Variants in CENPP observed in about 807,000 individuals in gnomAD.
CENPP encodes the protein centromere protein P.
A neutral mutation model predicts 35.6 loss-of-function variants in CENPP; 24 were observed. The ratio of observed to expected loss-of-function variants is 0.67; its 90% CI spans 0.49 to 0.95. The LOEUF (loss-of-function observed/expected upper bound fraction) is 0.95. Ranked by LOEUF, CENPP falls within the 40% of genes least tolerant of loss-of-function variation. The pLI is 0.00. For synonymous variants in CENPP, 120 were observed against 125.5 expected (o/e 0.96, Z 0.29); for missense variants, 332 against 345.3 (o/e 0.96, Z 0.31).
At chr9:92,485,646 A>G (rs778553509) in intron 5 of CENPP, among the ~76,000 whole-genome samples, 1 of 152,198 alleles carries the variant, frequency 6.6e-6, no homozygotes, top group Non-Finnish European at 1.5e-5. Context: ...ACAAATAAGA[A>G]CAGGGGAGGA....
chr9:92,545,661 C>A (rs1430283219), intron 5 of CENPP, among the ~76,000 whole-genome samples: 1 of 152,236 alleles, frequency 6.6e-6, no homozygotes, highest in Non-Finnish European at 1.5e-5. Flanking sequence ...CAGCCAGCTC[C>A]ACCTGCAGCC....
intron 2 of CENPP, among the ~76,000 whole-genome samples, chr9:92,335,279 A>G (rs1840890429): frequency 6.6e-6 from 1 of 152,268 alleles, no homozygotes. Flanking sequence ...GTTCATCTAT[A>G]AAGAAAAAAT....
At chr9:92,329,859 C>T (rs1369546084) in intron 1 of CENPP, among the ~76,000 whole-genome samples, 4 of 152,146 alleles carry the variant, frequency 2.6e-5, no homozygotes. Context: ...TTTTCCTTGA[C>T]TTCTATATTT....
chr9:92,551,942 T>A (rs916707302), intron 5 of CENPP, among the ~76,000 whole-genome samples: 6 of 79,520 alleles, frequency 7.5e-5, no homozygotes, highest in African/African-American at 4.7e-4. Flanking sequence ...TATATATATA[T>A]ATATATATAT....
intron 5 of CENPP, among the ~76,000 whole-genome samples, chr9:92,559,761 A>C (rs1444256477): frequency 6.6e-6 from 1 of 152,020 alleles, no homozygotes; most frequent in Non-Finnish European, 1.5e-5. Flanking sequence ...TTAGCCTCCC[A>C]AAGTTTTGGG....
intron 5 of CENPP, chr9:92,424,102 TA>T (rs1171707199): frequency 2.0e-5 from 3 of 152,214 alleles, no homozygotes; most frequent in African/African-American, 7.2e-5. Context: ...GCTTTTGTAA[TA>T]GATGCAGTCT....
At chr9:92,355,251 C>T (rs1013421770) in intron 4 of CENPP, among the ~76,000 whole-genome samples, 5 of 152,136 alleles carry the variant, frequency 3.3e-5, no homozygotes, top group African/African-American at 1.2e-4. Flanking sequence ...ATAAGACAGA[C>T]ATTCCCAGAG....
At chr9:92,349,528 C>T (rs890181873) in intron 4 of CENPP, among the ~76,000 whole-genome samples, 15 of 151,830 alleles carry the variant, frequency 9.9e-5, no homozygotes, top group East Asian at 1.9e-4. Flanking sequence ...CTCAGCCTCC[C>T]GAGTAGCTGG....
At chr9:92,462,601 G>GA (rs1156499346) in intron 5 of CENPP, among the ~76,000 whole-genome samples, 6 of 152,112 alleles carry the variant, frequency 3.9e-5, no homozygotes, top group Non-Finnish European at 8.8e-5. Flanking sequence ...GAAGATAATT[G>GA]AAACATCTTT....
At chr9:92,439,606 T>C (rs1844335915) in intron 5 of CENPP, among the ~76,000 whole-genome samples, 2 of 152,154 alleles carry the variant, frequency 1.3e-5, no homozygotes, top group Non-Finnish European at 2.9e-5. Flanking sequence ...ATGAGGCTGC[T>C]CCACATCTAA....
At chr9:92,602,875 C>T (rs981026759) in intron 5 of CENPP, among the ~76,000 whole-genome samples, 1 of 140,270 alleles carries the variant, frequency 7.1e-6, no homozygotes, top group Non-Finnish European at 1.6e-5. Context: ...ACTGCAACCT[C>T]TGACTCCCTG....
At chr9:92,363,676 C>T (rs1477688658) in intron 4 of CENPP, among the ~76,000 whole-genome samples, 1 of 152,220 alleles carries the variant, frequency 6.6e-6, no homozygotes, top group Non-Finnish European at 1.5e-5. Context: ...TACACCAAGG[C>T]CTCCAGTTCT....
At chr9:92,494,909 AAAT>A (rs1014394868) in intron 5 of CENPP, among the ~76,000 whole-genome samples, 49 of 152,132 alleles carry the variant, frequency 3.2e-4, no homozygotes, top group Admixed American at 1.4e-3. Context: ...CCGTCTAAAA[AAAT>A]AATAATAATA....
intron 5 of CENPP, chr9:92,511,890 CT>C: frequency 1.5e-6 from 1 of 662,288 alleles, no homozygotes; most frequent in Non-Finnish European, 2.5e-6. Flanking sequence ...AGAGAGGAAA[CT>C]TTCTTAGAAG....
At chr9:92,349,428 G>A (rs996486576) in intron 4 of CENPP, among the ~76,000 whole-genome samples, 50 of 146,864 alleles carry the variant, frequency 3.4e-4, no homozygotes, top group African/African-American at 1.1e-3. Flanking sequence ...TTTTTGAGAC[G>A]GAGTCTCGCC....
intron 5 of CENPP, among the ~76,000 whole-genome samples, chr9:92,547,706 A>T (rs1849501975): frequency 6.6e-6 from 1 of 152,238 alleles, no homozygotes; most frequent in Admixed American, 6.5e-5. Context: ...TTCTTTATGG[A>T]GTGACTAAAA....
At chr9:92,518,477 T>C (rs1174963052) in intron 5 of CENPP, among the ~76,000 whole-genome samples, 1 of 152,174 alleles carries the variant, frequency 6.6e-6, no homozygotes, top group Non-Finnish European at 1.5e-5. Flanking sequence ...GATATGCACA[T>C]GGGAATAGGT....
chr9:92,524,067 T>C (rs1201592731), intron 5 of CENPP, among the ~76,000 whole-genome samples: 1 of 152,214 alleles, frequency 6.6e-6, no homozygotes, highest in Non-Finnish European at 1.5e-5. Flanking sequence ...CTGCAGGTTT[T>C]CAAAGATTAC....
At chr9:92,490,784 T>G (rs1408332228) in intron 5 of CENPP, among the ~76,000 whole-genome samples, 1 of 152,258 alleles carries the variant, frequency 6.6e-6, no homozygotes, top group Non-Finnish European at 1.5e-5. Flanking sequence ...AAAAATTTAC[T>G]TAGCTTTCTG....
Sources: gnomAD v4.1 joint callset for allele counts (sites outside exome capture counted in the v4.1 genomes callset) on GRCh38, gnomAD v4.1.1 for gene constraint, MANE v1.5 for transcripts, NCBI Gene and HGNC (gene_info 2026-07-23, HGNC 2026-07-21) for gene names.